The following BCAS3 variants were observed in gnomAD, a reference collection of about 807,000 sequenced individuals.
BCAS3 encodes the protein BCAS4/BCAS3 fusion.
A neutral mutation model predicts 116.1 loss-of-function variants in BCAS3; 53 were observed. That is an observed-to-expected ratio of 0.46 (90% CI 0.37 to 0.57). BCAS3 has a LOEUF of 0.57. Among genes scored for constraint, BCAS3 ranks in the 20% least tolerant of loss-of-function variants. The probability of loss-of-function intolerance (pLI) is 0.00; values close to 1 mark genes in which losing one functional copy is unlikely to be tolerated. For synonymous variants in BCAS3, 391 were observed against 408.2 expected, an observed-to-expected ratio of 0.96 and a Z score of 0.51; for missense variants, 917 against 1,165.4, an observed-to-expected ratio of 0.79 and a Z score of 3.10.
chr17:61,201,528 T>C (rs2080813782), intron 22 of BCAS3, among the ~76,000 whole-genome samples: 1 of 152,172 alleles, frequency 6.6e-6, no homozygotes, highest in South Asian at 2.1e-4. Context: ...ACTCTCTTCT[T>C]TGAGGCTGAA....
chr17:60,913,348 G>T (rs1231387311), intron 12 of BCAS3, among the ~76,000 whole-genome samples: 1 of 151,920 alleles, frequency 6.6e-6, no homozygotes, highest in African/African-American at 2.4e-5. Flanking sequence ...TTCTGTTAGA[G>T]GACAGGAAAG....
chr17:61,321,076 A>G (rs534542800), intron 22 of BCAS3, among the ~76,000 whole-genome samples: 1 of 152,368 alleles, frequency 6.6e-6, no homozygotes, highest in South Asian at 2.1e-4. Context: ...TAAAGCTGAG[A>G]CTAGAACTCA....
In BCAS3 at chr17:61,026,296, A is replaced by G. The variant is rs1485920289; in HGVS notation, c.1638-8370A>G. ...AATTTCCTGGATTATGGCCAAAAAT[A>G]GAGAAAAATTATACTAGTTGTACTT... On this transcript the variant is annotated intron_variant, in intron 16 of 23. Transcript: ENST00000407086. The surrounding 1 kb of genome is among the most constrained non-coding windows in gnomAD (Gnocchi z 5.0). Among the ~76,000 whole-genome samples, 1 of 152,098 alleles carries G rather than the reference A, an allele frequency of 6.6e-6. No homozygotes were observed. Among genetic ancestry groups the G allele is most frequent in the African/African-American group, 2.4e-5 (1 of 41,450 alleles).
chr17:61,128,977 A>G lies in BCAS3; in HGVS notation c.2425+44413A>G, dbSNP rs1220624479. Among the ~76,000 whole-genome samples, 1 of 152,212 alleles carries G rather than the reference A, an allele frequency of 6.6e-6. No homozygotes were observed. Among genetic ancestry groups the G allele is most frequent in the Non-Finnish European group, 1.5e-5 (1 of 68,038 alleles). ...TATATTGAGTTCTCCGCAGTTTTCT[A>G]ACAGAGAGATTTAGTTTGGCAGCTG... On this transcript the variant is annotated intron_variant, in intron 22 of 23. Coordinates refer to ENST00000407086, the MANE Select transcript of BCAS3 (RefSeq NM_017679.5). This position sits in a 1 kb window ranked among gnomAD's most constrained non-coding sequence, Gnocchi z 4.1.
chr17:60,857,344 T>G (rs1163824611), intron 7 of BCAS3, among the ~76,000 whole-genome samples: 1 of 152,170 alleles, frequency 6.6e-6, no homozygotes, highest in Non-Finnish European at 1.5e-5. Context: ...AAACTTCTTC[T>G]AGGAACTTCC....
At chr17:61,292,506 G>A (rs1421633078) in intron 22 of BCAS3, among the ~76,000 whole-genome samples, 1 of 152,054 alleles carries the variant, frequency 6.6e-6, no homozygotes, top group African/African-American at 2.4e-5. Context: ...ACAAAAATTA[G>A]CCAGGCGTGG....
intron 9 of BCAS3, among the ~76,000 whole-genome samples, chr17:60,888,178 A>G (rs181281130): frequency 2.6e-4 from 39 of 152,338 alleles, no homozygotes; most frequent in African/African-American, 9.1e-4. Context: ...TCATTACAAT[A>G]TACTGTAATT....
chr17:60,892,885 G>A (rs1018343457), intron 10 of BCAS3, among the ~76,000 whole-genome samples: 2 of 151,932 alleles, frequency 1.3e-5, no homozygotes, highest in African/African-American at 2.4e-5. Context: ...TCATGCCATC[G>A]CACTCTAGCC....
intron 4 of BCAS3, among the ~76,000 whole-genome samples, chr17:60,703,504 G>A (rs2036692695): frequency 6.6e-6 from 1 of 151,946 alleles, no homozygotes; most frequent in African/African-American, 2.4e-5. Context: ...AGAGGTTGCA[G>A]TGAGCTGAGA....
rs368970932 is a variant in BCAS3 at position 60,751,293 on chromosome 17, A to G, written c.403+4014A>G. On this transcript the variant is annotated intron_variant, in intron 6 of 23. Coordinates refer to ENST00000407086, the MANE Select transcript of BCAS3 (RefSeq NM_017679.5). The stretch of plus-strand genomic sequence containing the variant: ...GATTTTTTTCAATACAATATTCCAG[A>G]AAGCTATGACTAATTAATTGGTATT... 1.1e-4 allele frequency among the ~76,000 whole-genome samples: 16 copies of G among 152,310 alleles called. 1 individual carries two copies. The highest frequency in any genetic ancestry group is 3.8e-4 in the African/African-American group (16 of 41,568).
In BCAS3 at chr17:60,902,676, T is replaced by C; in HGVS notation, c.795T>C (p.Tyr265=). 4 of 1,612,416 alleles carry C rather than the reference T, an allele frequency of 2.5e-6. No individual in the cohort carries two copies. Among genetic ancestry groups the C allele is most frequent in the South Asian group, 1.1e-5 (1 of 91,052 alleles). The part of the protein sequence containing the change: ...GGACGDNIQS[Y]TATVISAAKT... ...CCTGTGGAGACAACATTCAGTCTTA[T>C]ACTGCCACAGTCATTAGTGCTGCTA... Residue 265 remains tyrosine, a synonymous_variant, in exon 11 of 24, where the codon TAT becomes TAC. Coordinates refer to ENST00000407086, the MANE Select transcript of BCAS3 (RefSeq NM_017679.5).
chr17:61,076,431 G>A (rs999999600), intron 20 of BCAS3, among the ~76,000 whole-genome samples: 7 of 152,160 alleles, frequency 4.6e-5, no homozygotes, highest in African/African-American at 1.7e-4. Flanking sequence ...ATATTCACAG[G>A]AAGTTCCTTG....
At chr17:61,267,099 C>T (rs2049789628) in intron 22 of BCAS3, among the ~76,000 whole-genome samples, 1 of 152,152 alleles carries the variant, frequency 6.6e-6, no homozygotes, top group Admixed American at 6.5e-5. Flanking sequence ...GCTCTGTCGC[C>T]CAGGCTGGAG....
Position 61,371,629 on chromosome 17 carries a change from C to T in BCAS3, c.2593+3135C>T, listed in dbSNP as rs559545629. Reference sequence around the variant, plus strand: ...GTGAGGTAATGCATGTTAATTAGCTCGATTTAGCCATTCCAAATGTATACA... The same window carrying T: ...GTGAGGTAATGCATGTTAATTAGCTTGATTTAGCCATTCCAAATGTATACA... On this transcript the variant is annotated intron_variant, in intron 23 of 23. Coordinates refer to ENST00000407086, the MANE Select transcript of BCAS3 (RefSeq NM_017679.5). Among the ~76,000 whole-genome samples the T allele has an allele frequency of 2.0e-5, 3 of 152,202 alleles. No individual in the cohort carries two copies. The East Asian group carries it at 5.8e-4, about 29-fold the overall frequency.
intron 14 of BCAS3, among the ~76,000 whole-genome samples, chr17:60,988,360 TATGTATG>T (rs1252966060): frequency 3.3e-4 from 45 of 134,774 alleles, no homozygotes; most frequent in African/African-American, 5.4e-4. Flanking sequence ...TTTTTTTTTT[TATGTATG>T]TGTTTGGTTT....
At chr17:61,147,046 T>C (rs2077260997) in intron 22 of BCAS3, among the ~76,000 whole-genome samples, 1 of 150,458 alleles carries the variant, frequency 6.6e-6, no homozygotes, top group African/African-American at 2.4e-5. Context: ...TCCCGAGTAG[T>C]TGGGACTATA....
chr17:60,880,098 C>A (rs537267245), intron 9 of BCAS3, among the ~76,000 whole-genome samples: 1 of 152,140 alleles, frequency 6.6e-6, no homozygotes, highest in Non-Finnish European at 1.5e-5. Flanking sequence ...TCTCTGCACA[C>A]AATTCTCACC....
intron 22 of BCAS3, among the ~76,000 whole-genome samples, chr17:61,308,987 C>T (rs2054079646): frequency 6.6e-6 from 1 of 152,180 alleles, no homozygotes; most frequent in African/African-American, 2.4e-5. Flanking sequence ...TGTCTCCTCT[C>T]TCCAGCCATG....
intron 7 of BCAS3, among the ~76,000 whole-genome samples, chr17:60,814,304 T>TGCAC (rs59755143): frequency 2.2e-5 from 3 of 136,704 alleles, no homozygotes; most frequent in African/African-American, 9.0e-5. Context: ...TGTGTGTGTG[T>TGCAC]GTGCGCGCGT....
Sources: gnomAD v4.1 joint callset for allele counts (sites outside exome capture counted in the v4.1 genomes callset) on GRCh38, gnomAD v4.1.1 for gene constraint, Gnocchi (gnomAD v3.1) non-coding constraint, MANE v1.5 for transcripts, NCBI Gene and HGNC (gene_info 2026-07-23, HGNC 2026-07-21) for gene names.